OAS1: variants seen among roughly 807,000 people sequenced by gnomAD.
OAS1 encodes the protein 2'-5'-oligoadenylate synthase 1.
In OAS1, 24 loss-of-function variants were observed where a neutral mutation model predicts 38.5. That is an observed-to-expected ratio of 0.62 (90% confidence interval 0.45 to 0.88). The LOEUF (loss-of-function observed/expected upper bound fraction) is 0.88, where lower values mean the gene tolerates loss of function less well. Among genes scored for constraint, OAS1 ranks in the 40% least tolerant of loss-of-function variants. The pLI, the probability that OAS1 is intolerant of heterozygous loss-of-function variation, is 0.00. For missense variants in OAS1, 482 were observed against 493.9 expected (o/e 0.98, Z 0.23); for synonymous variants, 169 against 193.9 (o/e 0.87, Z 1.07).
In OAS1 at chr12:112,919,408, A is replaced by G; in HGVS notation, c.1058A>G (p.Asp353Gly). The change falls in exon 6 of 6, where the codon GAC becomes GGC. Residue 353 changes from aspartate (D) to glycine (G), a missense_variant. Asp to Gly is a moderately conservative substitution (Grantham distance 94). Transcript: ENST00000202917. ...TTTCAGGCTGAAAGCAACAGTGCAG[A>G]CGATGAGACCGACGATCCCAGGAGG... ...WILLAESNSA[D>G]DETDDPRRYQ... is the part of the protein sequence containing the mutation. 1.2e-6 allele frequency: 2 copies of G among 1,613,770 alleles called. No individual in the cohort carries two copies. Among genetic ancestry groups the G allele is most frequent in the Non-Finnish European group, 1.7e-6 (2 of 1,179,676 alleles).
chr12:112,914,581 T>C (rs889078704), intron 3 of OAS1, among the ~76,000 whole-genome samples: 1 of 152,330 alleles, frequency 6.6e-6, no homozygotes, highest in South Asian at 2.1e-4. Context: ...TGTTCCCTTT[T>C]CACCACATCC....
At chr12:112,917,820 C>A in intron 5 of OAS1, 120 bp downstream of exon 5, 1 of 1,605,682 alleles carries the variant, frequency 6.2e-7, no homozygotes, top group South Asian at 1.1e-5. Flanking sequence ...CATTTATATT[C>A]ATATAGTGAC....
At position 112,908,984 on chromosome 12, in the gene OAS1, T is replaced by A. The variant is rs566701570; in HGVS notation, c.469+160T>A. The A allele has an allele frequency of 5.3e-4, 365 of 685,574 alleles. 1 individual carries two copies. Among genetic ancestry groups the A allele is most frequent in the Middle Eastern group, 5.2e-3 (15 of 2,864 alleles). The allele number at this position is 685,574 out of a possible 1,614,324, so 42.5% of individuals were successfully genotyped here. The stretch of plus-strand genomic sequence containing the variant: ...CAAGAATGAATACGGTCATGATCTA[T>A]CACAGGAGAGACATTAAACAGCAAA... On this transcript the variant is annotated intron_variant, in intron 2 of 5. Coordinates refer to ENST00000202917, the MANE Select transcript of OAS1 (RefSeq NM_016816.4).
At chr12:112,919,284 A>AG (rs1289914171) in intron 5 of OAS1, 105 bp from the exon 6 acceptor site, 3 of 1,071,306 alleles carry the variant, frequency 2.8e-6, no homozygotes, top group Non-Finnish European at 4.1e-6. Context: ...CCTTCCTCAA[A>AG]GGGGGATCCA....
rs775477202 is a variant in OAS1, at chr12:112,919,616, G to A, written c.*63G>A. 22 of 1,613,388 alleles carry A rather than the reference G, an allele frequency of 1.4e-5. No homozygotes were observed. Among genetic ancestry groups the A allele is most frequent in the Non-Finnish European group, 1.8e-5 (21 of 1,179,738 alleles). ...TCTGGACCAGTTCCTTCATTTTCAGGTGGGACTCTTGATCCAGAGAGGACA... is the reference window on the plus strand; with the variant it reads ...TCTGGACCAGTTCCTTCATTTTCAGATGGGACTCTTGATCCAGAGAGGACA... On this transcript the variant is annotated 3_prime_UTR_variant, in exon 6 of 6. Coordinates refer to ENST00000202917, the MANE Select transcript of OAS1 (RefSeq NM_016816.4).
intron 1 of OAS1, 86 bp downstream of exon 1, chr12:112,907,305 G>T: frequency 2.2e-6 from 3 of 1,346,506 alleles, no homozygotes; most frequent in Non-Finnish European, 3.1e-6. Flanking sequence ...AGAGAGAGAA[G>T]CAAAAACCTA....
chr12:112,911,125 A>C lies in OAS1; in HGVS notation c.544A>C (p.Lys182Gln), dbSNP rs1465471914. The C allele has an allele frequency of 1.2e-6, 2 of 1,613,866 alleles. No individual in the cohort carries two copies. The highest frequency in any genetic ancestry group is 1.1e-5 in the South Asian group (1 of 91,068). Reference sequence around the variant, plus strand: ...CATCGAGGAGTGCACCGACCTGCAGAAAGAGGGCGAGTTCTCCACCTGCTT... The same window carrying C: ...CATCGAGGAGTGCACCGACCTGCAGCAAGAGGGCGAGTTCTCCACCTGCTT... ...KLIEECTDLQKEGEFSTCFTE... is the reference protein window; with the variant it reads ...KLIEECTDLQQEGEFSTCFTE... The change falls in exon 3 of 6, where the codon AAA becomes CAA. Residue 182 changes from lysine (K) to glutamine (Q), a missense_variant. Physicochemically the swap from Lys to Gln is moderately conservative, Grantham distance 53. Coordinates refer to ENST00000202917, the MANE Select transcript of OAS1 (RefSeq NM_016816.4).
At chr12:112,918,869 G>A (rs533262541) in intron 5 of OAS1, 1 of 270,818 alleles carries the variant, frequency 3.7e-6, no homozygotes, top group South Asian at 3.7e-5. Flanking sequence ...CCAGGGGATT[G>A]ATGATGTTGC....
At chr12:112,930,560 C>A (rs1036908547) in intron 6 of OAS1, among the ~76,000 whole-genome samples, 2 of 152,206 alleles carry the variant, frequency 1.3e-5, no homozygotes, top group South Asian at 4.1e-4. Context: ...TCCCTGCCTG[C>A]CCAAGGCCGG....
chr12:112,932,030 CA>C (rs1321077821), exon 7 of OAS1: 3 of 659,680 alleles, frequency 4.5e-6, no homozygotes, highest in Non-Finnish European at 8.1e-6. Flanking sequence ...CAATAATAAA[CA>C]GACGTCTCAT....
chr12:112,928,930 T>C (rs1294601201), intron 6 of OAS1, among the ~76,000 whole-genome samples: 1 of 152,206 alleles, frequency 6.6e-6, no homozygotes, highest in Admixed American at 6.5e-5. Context: ...GGTGTGTTTA[T>C]GGATTCTACA....
chr12:112,907,327 G>T (rs2043311159), intron 1 of OAS1, 108 bp downstream of exon 1: 2 of 1,043,278 alleles, frequency 1.9e-6, no homozygotes, highest in African/African-American at 1.6e-5. Context: ...AACCCAGGGT[G>T]CAAATGTGAG....
At position 112,911,860 on chromosome 12, in the gene OAS1, G is replaced by A. The variant is rs536309046; in HGVS notation, c.654+625G>A. ...TGTGCTTAGCTTATCTATGTTTTGT[G>A]GATGTGATACAATTTTCTGTTCACT... On this transcript the variant is annotated intron_variant, in intron 3 of 5. Coordinates refer to ENST00000202917, the MANE Select transcript of OAS1 (RefSeq NM_016816.4). Among the ~76,000 whole-genome samples, 4 of 152,266 alleles carry A rather than the reference G, an allele frequency of 2.6e-5. No homozygotes were observed. In the South Asian group the frequency reaches 8.3e-4, roughly 32 times the overall value.
At chr12:112,922,246 C>T (rs1490838844), downstream of OAS1, among the ~76,000 whole-genome samples, 1 of 152,120 alleles carries the variant, frequency 6.6e-6, no homozygotes, top group Non-Finnish European at 1.5e-5. Flanking sequence ...ACTCTGCCTC[C>T]TCTTTGTTAA....
chr12:112,923,231 T>C (rs73431070), downstream of OAS1, among the ~76,000 whole-genome samples: 8,587 of 152,302 alleles, frequency 0.056, 765 homozygotes, highest in African/African-American at 0.19. Context: ...ATTTCAATTC[T>C]TTTGGATACT....
At chr12:112,918,801 C>G in intron 5 of OAS1, 1 of 325,508 alleles carries the variant, frequency 3.1e-6, no homozygotes, top group South Asian at 2.5e-5. Context: ...CACAGCTAAA[C>G]AGGGGCAAAG....
At position 112,916,722 on chromosome 12, in the gene OAS1, C is replaced by T. The variant is rs2043465251; in HGVS notation, c.868C>T (p.Gln290Ter). 1 of 1,613,714 alleles carries T rather than the reference C, an allele frequency of 6.2e-7. No homozygotes were observed. ...NPIIEKYLRR[Q>*]LTKPRPVILD... ...CATTATTGAAAAGTACCTGAGAAGGCAGCTCACGAAACCCAGGTATGCTAT... is the reference window on the plus strand; with the variant it reads ...CATTATTGAAAAGTACCTGAGAAGGTAGCTCACGAAACCCAGGTATGCTAT... Residue 290 changes from glutamine (Q) to a stop codon, truncating the protein, a stop_gained, in exon 4 of 6, where the codon CAG becomes TAG. Transcript: ENST00000202917. LOFTEE classifies it high-confidence loss of function.
chr12:112,930,597 C>A (rs1281254257), intron 6 of OAS1, among the ~76,000 whole-genome samples: 2 of 152,248 alleles, frequency 1.3e-5, no homozygotes, highest in Non-Finnish European at 2.9e-5. Context: ...CAGCCCCCTC[C>A]TCAGCCTCAC....
rs771818638 is a variant in OAS1 at position 112,919,422 on chromosome 12, G to C, written c.1072G>C (p.Asp358His). ...CAACAGTGCAGACGATGAGACCGAC[G>C]ATCCCAGGAGGTATCAGAAATATGG... Reference protein sequence around the residue: ...ESNSADDETDDPRRYQKYGYI... With the variant: ...ESNSADDETDHPRRYQKYGYI... The change falls in exon 6 of 6, where the codon GAT becomes CAT. Residue 358 changes from aspartate to histidine, a missense_variant. Physicochemically the swap from Asp to His is moderately conservative, Grantham distance 81. Transcript: ENST00000202917. The C allele has an allele frequency of 6.2e-7, 1 of 1,614,016 alleles. No individual in the cohort carries two copies. The highest frequency in any genetic ancestry group is 8.5e-7 in the Non-Finnish European group (1 of 1,179,944).
Sources: gnomAD v4.1 joint callset for allele counts (sites outside exome capture counted in the v4.1 genomes callset) on GRCh38, gnomAD v4.1.1 for gene constraint, MANE v1.5 for transcripts, NCBI Gene and HGNC (gene_info 2026-07-23, HGNC 2026-07-21) for gene names.